SATB2: variants seen among roughly 807,000 people sequenced by gnomAD.
SATB2 encodes the protein SATB homeobox 2.
In SATB2, 1 loss-of-function variant was observed where a neutral mutation model predicts 73.4. The observed-to-expected ratio is 0.01, with a 90% confidence interval of 0.00 to 0.06. The LOEUF (loss-of-function observed/expected upper bound fraction) is 0.06, where lower values mean the gene tolerates loss of function less well. Among genes scored for constraint, SATB2 ranks in the 10% least tolerant of loss-of-function variants. The pLI is 1.00. For synonymous variants in SATB2, 397 were observed against 367.0 expected, an observed-to-expected ratio of 1.08 and a Z score of -0.93; for missense variants, 459 against 945.8, an observed-to-expected ratio of 0.49 and a Z score of 6.75.
intron 3 of SATB2, among the ~76,000 whole-genome samples, chr2:199,387,316 G>A (rs1217101707): frequency 6.6e-6 from 1 of 152,208 alleles, no homozygotes; most frequent in Admixed American, 6.5e-5. Flanking sequence ...CCCTGGAGAG[G>A]AGGGCCAGAG....
chr2:199,333,790 C>A (rs1688259487), intron 7 of SATB2, among the ~76,000 whole-genome samples: 1 of 152,088 alleles, frequency 6.6e-6, no homozygotes, highest in South Asian at 2.1e-4. Context: ...TGCAAAACAT[C>A]TTCCTTCCAG....
intron 7 of SATB2, among the ~76,000 whole-genome samples, chr2:199,338,192 T>A (rs182236555): frequency 2.0e-5 from 3 of 151,950 alleles, no homozygotes; most frequent in Admixed American, 1.3e-4. Context: ...GAGGAAACCC[T>A]GTCTCTATTA....
At chr2:199,318,775 A>C (rs1687803755) in intron 9 of SATB2, among the ~76,000 whole-genome samples, 1 of 152,084 alleles carries the variant, frequency 6.6e-6, no homozygotes, top group Admixed American at 6.6e-5. Flanking sequence ...CAAAAACAAA[A>C]ATTAATTACT....
At position 199,328,798 on chromosome 2, in the gene SATB2, C is replaced by T. The variant is rs886041516; in HGVS notation, c.1286G>A (p.Arg429Gln). The change falls in exon 8 of 11, where the codon CGA becomes CAA. Residue 429 changes from arginine (R) to glutamine (Q), a missense_variant. This residue lies in a region of SATB2 where 21 missense variants were observed against 92.8 expected (regional missense o/e 0.23). Coordinates refer to ENST00000417098, the MANE Select transcript of SATB2 (RefSeq NM_001172509.2). ...CCTCTCATCCTGGTAGATGCGATCT[C>T]GCTCCACTTCTGGCAGATTGAGGAA... ...QNFLNLPEVE[R>Q]DRIYQDERER... 1 of 1,613,908 alleles carries T rather than the reference C, an allele frequency of 6.2e-7. No individual in the cohort carries two copies. The highest frequency in any genetic ancestry group is 1.3e-5 in the African/African-American group (1 of 74,920).
In SATB2 at chr2:199,455,857, C is replaced by G; in HGVS notation, c.169+12G>C. The stretch of plus-strand genomic sequence containing the variant: ...GCCGCGGGCTGCGCGCCTCCCTGCT[C>G]CGGGCTGTTACCTCCCACGGCCTTG... On this transcript the variant is annotated intron_variant, in intron 2 of 10. Coordinates refer to ENST00000417098, the MANE Select transcript of SATB2 (RefSeq NM_001172509.2). This position sits in a 1 kb window ranked among gnomAD's most constrained non-coding sequence, Gnocchi z 4.1. The G allele has an allele frequency of 6.5e-7, 1 of 1,535,668 alleles. No individual in the cohort carries two copies. The highest frequency in any genetic ancestry group is 8.7e-7 in the Non-Finnish European group (1 of 1,147,200).
intron 3 of SATB2, among the ~76,000 whole-genome samples, chr2:199,400,825 T>C (rs1313744153): frequency 6.6e-6 from 1 of 152,218 alleles, no homozygotes; most frequent in African/African-American, 2.4e-5. Context: ...CTTTCCACTA[T>C]ACCAAGATCT....
At chr2:199,290,100 G>A (rs1692811099) in intron 10 of SATB2, among the ~76,000 whole-genome samples, 1 of 152,184 alleles carries the variant, frequency 6.6e-6, no homozygotes. Flanking sequence ...CTTGCAGGCT[G>A]TGCTCCAACA....
At chr2:199,307,623 C>T (rs555177245) in intron 10 of SATB2, among the ~76,000 whole-genome samples, 57 of 152,216 alleles carry the variant, frequency 3.7e-4, no homozygotes, top group Admixed American at 5.2e-4. Context: ...GCGACTTTGG[C>T]CCTGGAAACT....
Position 199,357,772 on chromosome 2 carries a change from G to C in SATB2, c.701-8599C>G, listed in dbSNP as rs530161132. On this transcript the variant is annotated intron_variant, in intron 6 of 10. Coordinates refer to ENST00000417098, the MANE Select transcript of SATB2 (RefSeq NM_001172509.2). ...TATTTTTCTTGAGGCCAAAGCTTTT[G>C]TCCCAAAATGAGTGTCATCAGCATG... Among the ~76,000 whole-genome samples the C allele has an allele frequency of 9.2e-5, 14 of 151,914 alleles. 1 individual carries two copies. The South Asian group carries it at 2.9e-3, about 32-fold the overall frequency.
At chr2:199,426,239 T>G (rs187180101) in intron 3 of SATB2, among the ~76,000 whole-genome samples, 4 of 152,128 alleles carry the variant, frequency 2.6e-5, no homozygotes, top group African/African-American at 9.6e-5. Context: ...AAGGAAGAAA[T>G]AGAGAAAGCA....
intron 5 of SATB2, among the ~76,000 whole-genome samples, chr2:199,372,163 T>C (rs1346487549): frequency 6.6e-6 from 1 of 152,216 alleles, no homozygotes; most frequent in African/African-American, 2.4e-5. Context: ...TAGTTAATTA[T>C]GAAATTTTAA....
rs537373341 is a variant in SATB2, at chr2:199,327,357, C to T, written c.1386+1341G>A. Among the ~76,000 whole-genome samples, 9 of 152,286 alleles carry T rather than the reference C, an allele frequency of 5.9e-5. 1 individual carries two copies. In the South Asian group the frequency reaches 1.9e-3, roughly 32 times the overall value. ...TCGGGAGGCCGAGGCAGGAGAATCA[C>T]TTGAACCTGAGAAGCAGAGGCTGCA... On this transcript the variant is annotated intron_variant, in intron 8 of 10. Transcript: ENST00000417098.
intron 3 of SATB2, among the ~76,000 whole-genome samples, chr2:199,386,172 T>C (rs2105873776): frequency 6.6e-6 from 1 of 152,324 alleles, no homozygotes; most frequent in Admixed American, 6.5e-5. Context: ...TTTCAGATTT[T>C]GAGATAGTTG....
At chr2:199,328,639 A>G in intron 8 of SATB2, 59 bp downstream of exon 8, 1 of 1,255,474 alleles carries the variant, frequency 8.0e-7, no homozygotes, top group Non-Finnish European at 1.2e-6. Context: ...CACAGTAACT[A>G]GTGAAGGCAA....
intron 3 of SATB2, among the ~76,000 whole-genome samples, chr2:199,420,775 A>T (rs1476021517): frequency 6.6e-6 from 1 of 152,180 alleles, no homozygotes; most frequent in Non-Finnish European, 1.5e-5. Flanking sequence ...GTCACATGTA[A>T]AAAAGGAACA....
chr2:199,340,349 G>T (rs1688467164), intron 7 of SATB2, among the ~76,000 whole-genome samples: 1 of 152,168 alleles, frequency 6.6e-6, no homozygotes, highest in Admixed American at 6.6e-5. Context: ...AGACCAGGAT[G>T]CACAGCTTTC....
At chr2:199,413,880 A>G (rs746612524) in intron 3 of SATB2, among the ~76,000 whole-genome samples, 2 of 152,160 alleles carry the variant, frequency 1.3e-5, no homozygotes, top group African/African-American at 2.4e-5. Context: ...CTGGACACCT[A>G]CACGAGACAA....
intron 10 of SATB2, among the ~76,000 whole-genome samples, chr2:199,307,222 T>A (rs951238649): frequency 6.6e-6 from 1 of 152,152 alleles, no homozygotes; most frequent in Non-Finnish European, 1.5e-5. Context: ...TATCAAAGAG[T>A]ATGTTATGAA....
chr2:199,291,021 G>A (rs2105741927), intron 10 of SATB2, among the ~76,000 whole-genome samples: 1 of 152,172 alleles, frequency 6.6e-6, no homozygotes, highest in South Asian at 2.1e-4. Context: ...ATTGTCAATG[G>A]CTCCCAACTG....
Sources: gnomAD v4.1 joint callset for allele counts (sites outside exome capture counted in the v4.1 genomes callset) on GRCh38, gnomAD v4.1.1 for gene constraint, gnomAD v4.1.1 regional missense constraint, Gnocchi (gnomAD v3.1) non-coding constraint, MANE v1.5 for transcripts, NCBI Gene and HGNC (gene_info 2026-07-23, HGNC 2026-07-21) for gene names.